TMC6: variants seen among roughly 807,000 people sequenced by gnomAD.
TMC6 encodes the protein transmembrane channel like 6, also known as transmembrane channel-like protein 6.
In TMC6, 71 loss-of-function variants were observed where a neutral mutation model predicts 95.4. That is an observed-to-expected ratio of 0.74 (90% CI 0.61 to 0.91). The LOEUF is 0.91. TMC6 is among the 40% of genes least tolerant of loss of function. The pLI is 0.00. For missense variants in TMC6, 1,074 were observed against 1,079.1 expected, an observed-to-expected ratio of 1.00 and a Z score of 0.07; for synonymous variants, 514 against 483.1, an observed-to-expected ratio of 1.06 and a Z score of -0.84.
At position 78,113,006 on chromosome 17, in the gene TMC6, C is replaced by T; in HGVS notation, c.*142G>A. ...GATGCCCAAGCCGGATTCACCCACCCTTCCAGCTCCAGCCTAGGCGCAGCT... is the reference window on the plus strand; with the variant it reads ...GATGCCCAAGCCGGATTCACCCACCTTTCCAGCTCCAGCCTAGGCGCAGCT... On this transcript the variant is annotated 3_prime_UTR_variant, in exon 20 of 20. Coordinates refer to ENST00000590602, the MANE Select transcript of TMC6 (RefSeq NM_001127198.5). 1 of 933,380 alleles carries T rather than the reference C, an allele frequency of 1.1e-6. No homozygotes were observed. The highest frequency in any genetic ancestry group is 1.7e-6 in the Non-Finnish European group (1 of 604,828). The allele number at this position is 933,380 out of a possible 1,614,324, so 57.8% of individuals were successfully genotyped here.
At chr17:78,124,457 A>G (rs539436531) in intron 8 of TMC6, 67 bp downstream of exon 8, 1 of 1,595,322 alleles carries the variant, frequency 6.3e-7, no homozygotes, top group Admixed American at 1.7e-5. Context: ...TGGGACAAGA[A>G]GGGAACACGG....
chr17:78,115,641 C>T (rs536873731), intron 18 of TMC6, among the ~76,000 whole-genome samples: 73 of 149,828 alleles, frequency 4.9e-4, no homozygotes, highest in Admixed American at 3.7e-3. Context: ...GGCACAGGGG[C>T]GAAGGGAGTG....
At chr17:78,118,772 C>T (rs2074260220) in intron 15 of TMC6, among the ~76,000 whole-genome samples, 199 bp downstream of exon 15, 1 of 152,184 alleles carries the variant, frequency 6.6e-6, no homozygotes, top group Admixed American at 6.5e-5. Flanking sequence ...CGATGCTTCC[C>T]AGCCTGCCGA....
Position 78,109,764 on chromosome 17 carries a change from T to A in TMC6, c.*3384A>T, listed in dbSNP as rs560501736. On this transcript the variant is annotated 3_prime_UTR_variant, in exon 20 of 20. Transcript: ENST00000590602. Reference sequence around the variant, plus strand: ...TTGGCCCATTAGAATTACCTGAAAATTTTTAAGATAATTCACATCCGGCCA... The same window carrying A: ...TTGGCCCATTAGAATTACCTGAAAAATTTTAAGATAATTCACATCCGGCCA... 4.3e-4 allele frequency: 150 copies of A among 346,072 alleles called. No homozygotes were observed. The highest frequency in any genetic ancestry group is 7.6e-4 in the Non-Finnish European group (132 of 174,020). 21.4% of individuals were successfully genotyped at this position (346,072 alleles called of 1,614,324 possible).
intron 9 of TMC6, chr17:78,123,137 C>T (rs1410770347): frequency 8.6e-6 from 3 of 350,388 alleles, no homozygotes; most frequent in Middle Eastern, 1.0e-3. Context: ...CCTCTCAGGG[C>T]AAGTGCCGCC....
chr17:78,125,162 G>C lies in TMC6; in HGVS notation c.532C>G (p.Leu178Val). The change falls in exon 6 of 20, where the codon CTG becomes GTG. Residue 178 changes from leucine (L) to valine (V), a missense_variant. Transcript: ENST00000590602. ...GTCAGGGTCGGGGCTGCTCACCGCA[G>C]GCTGCGTTTCTCAGCCAGGCTTAAG... ...MPLSLAEKRS[L>V]REKSRTPRGK... is the part of the protein sequence containing the mutation. The C allele has an allele frequency of 6.4e-7, 1 of 1,564,028 alleles. No individual in the cohort carries two copies. The highest frequency in any genetic ancestry group is 1.2e-5 in the South Asian group (1 of 85,406).
chr17:78,119,239 G>A lies in TMC6; in HGVS notation c.1811+58C>T, dbSNP rs978039441. 28 of 1,601,322 alleles carry A rather than the reference G, an allele frequency of 1.7e-5. No individual in the cohort carries two copies. In the South Asian group the frequency reaches 1.8e-4, roughly 10 times the overall value. On this transcript the variant is annotated intron_variant, in intron 14 of 19. Coordinates refer to ENST00000590602, the MANE Select transcript of TMC6 (RefSeq NM_001127198.5). ...GGGGAGGCAGGTACAGGACCCCCGG[G>A]GGGAAAGGGGCACTGACCGAGGGGC... is the stretch of plus-strand genomic sequence containing the variant.
chr17:78,124,050 G>A lies in TMC6; in HGVS notation c.1021C>T (p.Leu341=), dbSNP rs1048105388. Residue 341 remains leucine (L), a synonymous_variant, in exon 9 of 20, where the codon CTG becomes TTG. Coordinates refer to ENST00000590602, the MANE Select transcript of TMC6 (RefSeq NM_001127198.5). ...ACGCCCACAGTGGAGAGGTAGGCCA[G>A]GGGCATGTTGTAGGGCAGGCCACCC... is the stretch of plus-strand genomic sequence containing the variant. ...RVGGLPYNMP[L]AYLSTVGVSF... is the part of the protein sequence containing the mutation. 1 of 1,613,706 alleles carries A rather than the reference G, an allele frequency of 6.2e-7. No individual in the cohort carries two copies. The highest frequency in any genetic ancestry group is 8.5e-7 in the Non-Finnish European group (1 of 1,179,980).
rs1420737238 is a variant in TMC6 at position 78,112,415 on chromosome 17, AACTC to A, written c.*729_*732del. The A allele has an allele frequency of 1.8e-5, 3 of 168,114 alleles. No homozygotes were observed. The highest frequency in any genetic ancestry group is 7.2e-5 in the African/African-American group (3 of 41,530). The allele number at this position is 168,114 out of a possible 1,614,324, so 10.4% of individuals were successfully genotyped here. On this transcript the variant is annotated 3_prime_UTR_variant, in exon 20 of 20. Transcript: ENST00000590602. ...TTTTCGGTATCCCACGGGCTCCTCAAACTCAGCCCAGTCAGACCCAGGATCACCA... is the reference window on the plus strand; with the variant it reads ...TTTTCGGTATCCCACGGGCTCCTCAAAGCCCAGTCAGACCCAGGATCACCA...
In TMC6 at chr17:78,117,862, G is replaced by A. The variant is rs549556408; in HGVS notation, c.1961C>T (p.Thr654Met). 1.7e-5 allele frequency: 27 copies of A among 1,607,932 alleles called. No homozygotes were observed. In the South Asian group the frequency reaches 2.0e-4, roughly 12 times the overall value. ...LASHMSTVFL[T>M]LLCFPAFLGA... ...CAGGAAGGCGGGGAAGCAGAGCAGC[G>A]TGAGGAAGACGGTGCTCATGTGTGA... Residue 654 changes from threonine (T) to methionine (M), a missense_variant, in exon 16 of 20, where the codon ACG becomes ATG. Coordinates refer to ENST00000590602, the MANE Select transcript of TMC6 (RefSeq NM_001127198.5).
Position 78,121,288 on chromosome 17 carries a change from C to T in TMC6, c.1384-124G>A. The T allele has an allele frequency of 6.8e-7, 1 of 1,469,020 alleles. No individual in the cohort carries two copies. Among genetic ancestry groups the T allele is most frequent in the Non-Finnish European group, 9.2e-7 (1 of 1,089,298 alleles). 91.0% of individuals were successfully genotyped at this position (1,469,020 alleles called of 1,614,324 possible). A position where few individuals can be genotyped will look rare whatever the true frequency, so the allele number is the denominator to read the frequency against. On this transcript the variant is annotated intron_variant, in intron 11 of 19. Coordinates refer to ENST00000590602, the MANE Select transcript of TMC6 (RefSeq NM_001127198.5). This position sits in a 1 kb window ranked among gnomAD's most constrained non-coding sequence, Gnocchi z 5.6. Reference sequence around the variant, plus strand: ...CTCCCTCCTCCAAGATCTGGCCCTCCCCAGGCCTCAAGTTCAAACCACACA... The same window carrying T: ...CTCCCTCCTCCAAGATCTGGCCCTCTCCAGGCCTCAAGTTCAAACCACACA...
chr17:78,114,385 T>A (rs1282412440), intron 18 of TMC6, among the ~76,000 whole-genome samples: 3 of 152,066 alleles, frequency 2.0e-5, no homozygotes, highest in Admixed American at 2.0e-4. Context: ...ACTGGCAACT[T>A]TAATTCTACC....
chr17:78,109,118 T>C lies in TMC6; in HGVS notation c.*4030A>G, dbSNP rs2144771873. On this transcript the variant is annotated 3_prime_UTR_variant, in exon 20 of 20. Transcript: ENST00000590602. ...TGAGCCAGGTGCCCAGCCTTTGTTG[T>C]TGTTGTTGTTGCTGCTATTTTGGCA... 3.7e-6 allele frequency: 1 copy of C among 269,406 alleles called. No individual in the cohort carries two copies. The highest frequency in any genetic ancestry group is 5.0e-5 in the Admixed American group (1 of 19,984). 16.7% of individuals were successfully genotyped at this position (269,406 alleles called of 1,614,324 possible). A position where few individuals can be genotyped will look rare whatever the true frequency, so the allele number is the denominator to read the frequency against.
At chr17:78,132,015 C>T (rs1328830654), upstream of TMC6, 1 of 1,533,426 alleles carries the variant, frequency 6.5e-7, no homozygotes. Context: ...GGAGGGGGCG[C>T]TCTACGAGAT....
chr17:78,124,279 G>A (rs2074582656), intron 8 of TMC6, 100 bp from the exon 9 acceptor site: 2 of 1,484,290 alleles, frequency 1.3e-6, no homozygotes, highest in East Asian at 2.3e-5. Context: ...AGGCCAGGCA[G>A]GGGCAGTGAG....
chr17:78,132,129 G>A (rs1332734681), upstream of TMC6: 7 of 1,517,330 alleles, frequency 4.6e-6, no homozygotes, highest in Non-Finnish European at 6.2e-6. Flanking sequence ...GCCTTCACCC[G>A]GGTCCCCCGA....
upstream of TMC6, chr17:78,131,819 C>G: frequency 6.7e-6 from 10 of 1,502,000 alleles, no homozygotes; most frequent in Non-Finnish European, 8.9e-6. Context: ...AGCACCCCGT[C>G]TGCTTGGCCC....
chr17:78,120,476 A>G, intron 13 of TMC6, 177 bp downstream of exon 13: 1 of 1,017,990 alleles, frequency 9.8e-7, no homozygotes, highest in Non-Finnish European at 1.5e-6. Flanking sequence ...ATCACTTTGA[A>G]ACCTGTTTTC....
At chr17:78,117,972 A>G in intron 15 of TMC6, 37 bp from the exon 16 acceptor site, 1 of 1,572,088 alleles carries the variant, frequency 6.4e-7, no homozygotes. Flanking sequence ...CCATCCTGCT[A>G]CCCCTCAGCA....
Sources: allele counts gnomAD v4.1 joint callset (sites outside exome capture counted in the v4.1 genomes callset), GRCh38; gene constraint gnomAD v4.1.1; non-coding constraint Gnocchi (gnomAD v3.1); transcripts MANE v1.5; gene names NCBI Gene and HGNC (gene_info 2026-07-23, HGNC 2026-07-21).